EXOC4: variants seen among roughly 807,000 people sequenced by gnomAD.
The protein encoded by EXOC4 is SEC8-like 1.
Under a neutral mutation model 107.2 loss-of-function variants are expected in EXOC4, and 71 were observed. The observed-to-expected ratio is 0.66, with a 90% CI of 0.55 to 0.81. The LOEUF (loss-of-function observed/expected upper bound fraction) is 0.81, where lower values mean the gene tolerates loss of function less well. EXOC4 is among the 30% of genes least tolerant of loss of function. The pLI, the probability that EXOC4 is intolerant of heterozygous loss-of-function variation, is 0.00. For synonymous variants in EXOC4, 456 were observed against 441.2 expected, an observed-to-expected ratio of 1.03 and a Z score of -0.42; for missense variants, 1,108 against 1,189.6, an observed-to-expected ratio of 0.93 and a Z score of 1.01.
intron 10 of EXOC4, among the ~76,000 whole-genome samples, chr7:133,782,140 T>C (rs1041152629): frequency 3.3e-5 from 5 of 152,206 alleles, no homozygotes; most frequent in African/African-American, 1.2e-4. Context: ...TAAGACCATA[T>C]TGGCTTCCTT....
chr7:133,334,292 A>G (rs1461137175), intron 5 of EXOC4, among the ~76,000 whole-genome samples: 2 of 152,144 alleles, frequency 1.3e-5, no homozygotes, highest in Admixed American at 1.3e-4. Flanking sequence ...CATCAGTCAC[A>G]TTCATTTCTG....
At chr7:133,593,480 G>A (rs746385396) in intron 9 of EXOC4, among the ~76,000 whole-genome samples, 3 of 152,268 alleles carry the variant, frequency 2.0e-5, no homozygotes, top group African/African-American at 4.8e-5. Context: ...TAATTATAAC[G>A]TGTGCGATTA....
chr7:133,725,270 G>A (rs1169995132), intron 10 of EXOC4, among the ~76,000 whole-genome samples: 1 of 152,170 alleles, frequency 6.6e-6, no homozygotes, highest in Non-Finnish European at 1.5e-5. Context: ...GAAGCAAAGA[G>A]GCAAAAGCAG....
At chr7:133,953,271 C>T (rs1397152600) in intron 14 of EXOC4, among the ~76,000 whole-genome samples, 1 of 152,084 alleles carries the variant, frequency 6.6e-6, no homozygotes, top group Non-Finnish European at 1.5e-5. Flanking sequence ...ATCATTACTT[C>T]TTAGCACCTC....
At position 133,275,862 on chromosome 7, in the gene EXOC4, G is replaced by A. The variant is rs943468958; in HGVS notation, c.276+691G>A. On this transcript the variant is annotated intron_variant, in intron 2 of 17. Coordinates refer to ENST00000253861, the MANE Select transcript of EXOC4 (RefSeq NM_021807.4). ...GGAGCCTTGCTCTGTTGCCTAGGCT[G>A]GAATGCAGTGGTGCATCACTGAAGC... Among the ~76,000 whole-genome samples, 4 of 151,082 alleles carry A rather than the reference G, an allele frequency of 2.6e-5. No homozygotes were observed. In the East Asian group the frequency reaches 7.8e-4, roughly 29 times the overall value.
chr7:133,840,790 C>T (rs1339503373), intron 11 of EXOC4, among the ~76,000 whole-genome samples: 2 of 152,068 alleles, frequency 1.3e-5, no homozygotes, highest in Non-Finnish European at 2.9e-5. Context: ...TGGAAACTTT[C>T]ATTTCCTTAC....
intron 7 of EXOC4, among the ~76,000 whole-genome samples, chr7:133,392,788 T>C (rs1796882099): frequency 6.6e-6 from 1 of 152,178 alleles, no homozygotes; most frequent in Non-Finnish European, 1.5e-5. Flanking sequence ...AAAATGCAAA[T>C]TTAATTTCAG....
chr7:133,771,815 A>G (rs114749079), intron 10 of EXOC4, among the ~76,000 whole-genome samples: 1,809 of 152,022 alleles, frequency 0.012, 29 homozygotes, highest in African/African-American at 0.041. Flanking sequence ...AGGGGAGGGT[A>G]TGCAGCAGGA....
intron 7 of EXOC4, among the ~76,000 whole-genome samples, chr7:133,399,066 C>T (rs1172968274): frequency 1.3e-5 from 2 of 152,120 alleles, no homozygotes; most frequent in Non-Finnish European, 2.9e-5. Context: ...CAGTACTATC[C>T]TCTGAAATGT....
chr7:133,511,332 TG>T (rs1799764644), intron 9 of EXOC4, among the ~76,000 whole-genome samples: 1 of 152,270 alleles, frequency 6.6e-6, no homozygotes, highest in East Asian at 1.9e-4. Flanking sequence ...AAAGAGGGTT[TG>T]GGTTTCTAGG....
intron 7 of EXOC4, among the ~76,000 whole-genome samples, chr7:133,415,228 G>C (rs968388351): frequency 7.2e-6 from 1 of 139,664 alleles, no homozygotes; most frequent in African/African-American, 2.6e-5. Context: ...GAATAATGTT[G>C]CTATGAGCAT....
intron 10 of EXOC4, among the ~76,000 whole-genome samples, chr7:133,778,746 G>A (rs1333792393): frequency 1.3e-5 from 2 of 152,160 alleles, no homozygotes; most frequent in Non-Finnish European, 2.9e-5. Flanking sequence ...CAATGCTCAA[G>A]CAATAATTGC....
intron 14 of EXOC4, among the ~76,000 whole-genome samples, chr7:133,980,633 T>C (rs1215772713): frequency 6.6e-6 from 1 of 152,256 alleles, no homozygotes; most frequent in Non-Finnish European, 1.5e-5. Context: ...CATATCCTTT[T>C]ACTTAGCGAA....
At chr7:133,696,516 A>G (rs750214920) in intron 10 of EXOC4, among the ~76,000 whole-genome samples, 28 of 152,176 alleles carry the variant, frequency 1.8e-4, no homozygotes, top group Non-Finnish European at 3.2e-4. Context: ...CAATCTGCAT[A>G]TTGCTTATAG....
At chr7:133,915,739 T>C (rs116443378) in intron 12 of EXOC4, among the ~76,000 whole-genome samples, 1 of 151,928 alleles carries the variant, frequency 6.6e-6, no homozygotes, top group Non-Finnish European at 1.5e-5. Context: ...ACAGAAAAGA[T>C]GCAAGGAAAT....
chr7:133,598,679 C>T (rs1330641173), intron 9 of EXOC4, among the ~76,000 whole-genome samples: 1 of 152,054 alleles, frequency 6.6e-6, no homozygotes, highest in Non-Finnish European at 1.5e-5. Flanking sequence ...TTGGGTTGTA[C>T]TCTAAGTATA....
In EXOC4 at chr7:133,599,891, A is replaced by ATT. The variant is rs762443674; in HGVS notation, c.1418-30131_1418-30130dup. 7.3e-4 allele frequency among the ~76,000 whole-genome samples: 40 copies of ATT among 54,768 alleles called. 1 individual carries two copies. Among genetic ancestry groups the ATT allele is most frequent in the East Asian group, 1.2e-3 (2 of 1,614 alleles). The allele number at this position is 54,768 out of a possible 152,430, so 35.9% of individuals were successfully genotyped here. On this transcript the variant is annotated intron_variant, in intron 9 of 17. Transcript: ENST00000253861. ...GTATTAGAAATTGAACAGATCTCTG[A>ATT]TTTTTTTTTTTTTTTTTTTTTTTTG... is the stretch of plus-strand genomic sequence containing the variant.
At chr7:133,254,585 C>T (rs1459420482) in intron 1 of EXOC4, among the ~76,000 whole-genome samples, 4 of 152,102 alleles carry the variant, frequency 2.6e-5, no homozygotes, top group African/African-American at 7.2e-5. Context: ...TATTTAGTGC[C>T]AGTTGACAGT....
At chr7:133,470,915 C>T (rs539992466) in intron 7 of EXOC4, among the ~76,000 whole-genome samples, 8 of 152,180 alleles carry the variant, frequency 5.3e-5, no homozygotes, top group African/African-American at 1.9e-4. Flanking sequence ...AATTTGAACC[C>T]ATAGGTGTGT....
Sources: gnomAD v4.1 joint callset for allele counts (sites outside exome capture counted in the v4.1 genomes callset) on GRCh38, gnomAD v4.1.1 for gene constraint, MANE v1.5 for transcripts, NCBI Gene and HGNC (gene_info 2026-07-23, HGNC 2026-07-21) for gene names.